ATP7A: variants seen among roughly 807,000 people sequenced by gnomAD.
ATP7A encodes ATPase copper transporting alpha.
In ATP7A, 7 loss-of-function variants were observed where a neutral mutation model predicts 83.5. That is an observed-to-expected ratio of 0.08 (90% confidence interval 0.05 to 0.16). ATP7A has a LOEUF of 0.16. Ranked by LOEUF, ATP7A falls within the 10% of genes least tolerant of loss-of-function variation. The pLI, the probability that ATP7A is intolerant of heterozygous loss-of-function variation, is 1.00. For missense variants in ATP7A, 940 were observed against 1,120.8 expected (o/e 0.84, Z 2.30); for synonymous variants, 354 against 395.2 (o/e 0.90, Z 1.24).
intron 1 of ATP7A, among the ~76,000 whole-genome samples, chrX:77,970,418 C>T (rs1379358964): frequency 8.9e-6 from 1 of 111,925 alleles, no homozygotes; most frequent in Admixed American, 9.5e-5. Context: ...TGCCTGTAAT[C>T]CCAGCACTTT....
intron 1 of ATP7A, among the ~76,000 whole-genome samples, chrX:77,935,320 T>C (rs1603372489): frequency 8.9e-6 from 1 of 112,170 alleles, no homozygotes; most frequent in South Asian, 3.6e-4. Flanking sequence ...CTCATAGCAA[T>C]GCTATAACAA....
chrX:78,015,787 T>G lies in ATP7A; in HGVS notation c.2532T>G (p.Arg844=), dbSNP rs782315761. 57 of 1,209,224 alleles carry G rather than the reference T, an allele frequency of 4.7e-5. No homozygotes were observed. The highest frequency in any genetic ancestry group is 6.1e-5 in the Non-Finnish European group (55 of 894,471). The change falls in exon 12 of 23, where the codon CGT becomes CGG. Residue 844 remains arginine, a synonymous_variant. Coordinates refer to ENST00000341514, the MANE Select transcript of ATP7A (RefSeq NM_000052.7). ...EEQVDVELVQ[R]GDIIKVVPGG... Reference sequence around the variant, plus strand: ...AAGTGGATGTGGAACTTGTACAACGTGGAGATATCATTAAAGTAGTTCCAG... The same window carrying G: ...AAGTGGATGTGGAACTTGTACAACGGGGAGATATCATTAAAGTAGTTCCAG...
chrX:77,954,734 A>G (rs1312496034), intron 1 of ATP7A, among the ~76,000 whole-genome samples: 2 of 111,628 alleles, frequency 1.8e-5, no homozygotes, highest in African/African-American at 6.5e-5. Flanking sequence ...TACTATATAG[A>G]TACCTTGAAG....
At chrX:77,952,803 TGATAGTCTTGCTC>T (rs2077420381) in intron 1 of ATP7A, among the ~76,000 whole-genome samples, 1 of 108,585 alleles carries the variant, frequency 9.2e-6, no homozygotes, top group Non-Finnish European at 1.9e-5. Context: ...TTTTTTTTTT[TGATAGTCTTGCTC>T]TGTTGTCCAG....
intron 12 of ATP7A, among the ~76,000 whole-genome samples, chrX:78,018,666 C>A (rs782767714): frequency 8.9e-6 from 1 of 112,137 alleles, no homozygotes; most frequent in South Asian, 3.7e-4. Flanking sequence ...ATCTTTATAG[C>A]AGTGTCCTAC....
chrX:78,038,862 G>A lies in ATP7A; in HGVS notation c.3538G>A (p.Val1180Ile). The A allele has an allele frequency of 8.3e-7, 1 of 1,210,182 alleles. No individual in the cohort carries two copies. The highest frequency in any genetic ancestry group is 1.8e-5 in the South Asian group (1 of 56,971). The change falls in exon 18 of 23, where the codon GTC becomes ATC. Residue 1180 changes from valine (V) to isoleucine (I), a missense_variant. Val to Ile is a conservative substitution (Grantham distance 29). Coordinates refer to ENST00000341514, the MANE Select transcript of ATP7A (RefSeq NM_000052.7). ...SNALNAQQYK[V>I]LIGNREWMIR... ...TGCTCTTAATGCTCAGCAGTATAAA[G>A]TCCTCATTGGTAACCGGGAGTGGAT...
intron 14 of ATP7A, among the ~76,000 whole-genome samples, chrX:78,028,469 G>A (rs916552989): frequency 2.7e-5 from 3 of 111,685 alleles, no homozygotes; most frequent in Non-Finnish European, 3.8e-5. Context: ...GATTACAGGC[G>A]TGAGCCACTG....
chrX:78,031,676 T>C, intron 16 of ATP7A, 94 bp downstream of exon 16: 1 of 950,297 alleles, frequency 1.1e-6, no homozygotes, highest in Non-Finnish European at 1.5e-6. Flanking sequence ...GATTTGCATA[T>C]ATAGTTGGTA....
chrX:77,988,094 T>C, intron 2 of ATP7A, 148 bp from the exon 3 acceptor site: 2 of 631,778 alleles, frequency 3.2e-6, no homozygotes, highest in Admixed American at 7.1e-5. Flanking sequence ...TGTTTCTTTC[T>C]AACAAGAAGA....
At chrX:77,962,265 A>G (rs1363660762) in intron 1 of ATP7A, among the ~76,000 whole-genome samples, 1 of 111,717 alleles carries the variant, frequency 9.0e-6, no homozygotes, top group Non-Finnish European at 1.9e-5. Context: ...CTATGACAGG[A>G]AATATCCTCT....
In ATP7A at chrX:78,011,484, G is replaced by T. The variant is rs1209949067; in HGVS notation, c.1982G>T (p.Cys661Phe). 8.3e-7 allele frequency: 1 copy of T among 1,208,116 alleles called. No homozygotes were observed. Among genetic ancestry groups the T allele is most frequent in the African/African-American group, 1.8e-5 (1 of 56,769 alleles). Reference sequence around the variant, plus strand: ...TCTTTTCTTGTGAGTCTGTTTTTCTGTATTCCTGTAATGGGGCTGATGATA... The same window carrying T: ...TCTTTTCTTGTGAGTCTGTTTTTCTTTATTCCTGTAATGGGGCTGATGATA... The part of the protein sequence containing the change: ...RRSFLVSLFF[C>F]IPVMGLMIYM... Residue 661 changes from cysteine (C) to phenylalanine (F), a missense_variant, in exon 9 of 23, where the codon TGT (cysteine) becomes TTT (phenylalanine). Coordinates refer to ENST00000341514, the MANE Select transcript of ATP7A (RefSeq NM_000052.7).
At chrX:77,955,839 C>A (rs2149063260) in intron 1 of ATP7A, among the ~76,000 whole-genome samples, 1 of 109,113 alleles carries the variant, frequency 9.2e-6, no homozygotes, top group South Asian at 4.0e-4. Flanking sequence ...TACTCTATGA[C>A]ATCAACCATT....
At position 78,020,117 on chromosome X, in the gene ATP7A, A is replaced by G. The variant is rs1213912842; in HGVS notation, c.2627-127A>G. 7.2e-6 allele frequency: 6 copies of G among 835,806 alleles called. No homozygotes were observed. In the East Asian group the frequency reaches 1.6e-4, roughly 23 times the overall value. 68.9% of individuals were successfully genotyped at this position (835,806 alleles called of 1,213,427 possible). ...CTGATATAAGGAAAAAGGGAAAGCA[A>G]CTTTCACCTAGGCATTTGTTCAGAT... On this transcript the variant is annotated intron_variant, in intron 12 of 22. Transcript: ENST00000341514.
chrX:78,003,196 T>C lies in ATP7A; in HGVS notation c.1667T>C (p.Ile556Thr), dbSNP rs2077752124. 1.7e-6 allele frequency: 2 copies of C among 1,208,886 alleles called. No homozygotes were observed. Among genetic ancestry groups the C allele is most frequent in the African/African-American group, 3.5e-5 (2 of 56,997 alleles). Residue 556 changes from isoleucine (I) to threonine (T), a missense_variant, in exon 6 of 23, where the codon ATA (isoleucine) becomes ACA (threonine). Around this residue, in one of 3 missense-constraint regions of ATP7A, gnomAD observed 350 missense variants for 432.8 expected, o/e 0.81. Coordinates refer to ENST00000341514, the MANE Select transcript of ATP7A (RefSeq NM_000052.7). Reference protein sequence around the residue: ...IRELGFGATVIENADEGDGVL... With the variant: ...IRELGFGATVTENADEGDGVL... ...GAACTTGGATTTGGAGCCACTGTGA[T>C]AGAAAATGCTGATGAAGGAGATGGT...
chrX:77,972,445 C>T (rs539447719), intron 2 of ATP7A, among the ~76,000 whole-genome samples: 2 of 111,273 alleles, frequency 1.8e-5, no homozygotes, highest in African/African-American at 3.3e-5. Context: ...CTCCACCTCC[C>T]GGTTCAAGCA....
intron 4 of ATP7A, among the ~76,000 whole-genome samples, chrX:77,995,981 G>T (rs1472121272): frequency 9.0e-6 from 1 of 111,555 alleles, no homozygotes; most frequent in African/African-American, 3.3e-5. Context: ...TCCTGATCTT[G>T]TGATCCACCC....
At chrX:78,024,348 G>C (rs781907854) in intron 14 of ATP7A, among the ~76,000 whole-genome samples, 1 of 111,690 alleles carries the variant, frequency 9.0e-6, no homozygotes, top group South Asian at 3.7e-4. Context: ...AGTTTTATAG[G>C]AATTGTGTTG....
In ATP7A at chrX:78,021,072, A is replaced by G. The variant is rs1557235740; in HGVS notation, c.2909A>G (p.Tyr970Cys). The change falls in exon 14 of 23, where the codon TAC (tyrosine) becomes TGC (cysteine). Residue 970 changes from tyrosine to cysteine, a missense_variant. Coordinates refer to ENST00000341514, the MANE Select transcript of ATP7A (RefSeq NM_000052.7). ...CTGAATTTTGAAATTGTGGAAACCT[A>G]CTTTCCTGTAAGTGACTTGTAATAA... Reference protein sequence around the residue: ...GFLNFEIVETYFPGYNRSISR... With the variant: ...GFLNFEIVETCFPGYNRSISR... The G allele has an allele frequency of 8.3e-7, 1 of 1,205,120 alleles. No homozygotes were observed. The highest frequency in any genetic ancestry group is 1.1e-6 in the Non-Finnish European group (1 of 890,754).
chrX:78,019,296 T>C (rs1035354527), intron 12 of ATP7A, among the ~76,000 whole-genome samples: 2 of 111,757 alleles, frequency 1.8e-5, no homozygotes, highest in Non-Finnish European at 3.8e-5. Flanking sequence ...TCTAAGGGAA[T>C]AGGCCTGGCA....
Sources: allele counts gnomAD v4.1 joint callset (sites outside exome capture counted in the v4.1 genomes callset), GRCh38; gene constraint gnomAD v4.1.1; regional missense constraint gnomAD v4.1.1; transcripts MANE v1.5; gene names NCBI Gene and HGNC (gene_info 2026-07-23, HGNC 2026-07-21).